FTO: variants seen among roughly 807,000 people sequenced by gnomAD.
FTO encodes the protein alpha-ketoglutarate-dependent dioxygenase FTO.
A neutral mutation model predicts 63.9 loss-of-function variants in FTO; 47 were observed. That is an observed-to-expected ratio of 0.74 (90% CI 0.58 to 0.94). FTO has a LOEUF of 0.94. FTO is among the 40% of genes least tolerant of loss of function. The probability of loss-of-function intolerance (pLI) is 0.00; values close to 1 mark genes in which losing one functional copy is unlikely to be tolerated. For synonymous variants in FTO, 207 were observed against 224.4 expected (o/e 0.92, Z 0.69); for missense variants, 562 against 618.1 (o/e 0.91, Z 0.96).
chr16:54,091,195 C>G (rs1285244225), intron 8 of FTO, among the ~76,000 whole-genome samples: 1 of 152,136 alleles, frequency 6.6e-6, no homozygotes, highest in Non-Finnish European at 1.5e-5. Context: ...CAAGTGAGAG[C>G]AAAATCCTCA....
At chr16:53,863,029 C>G (rs1219032508) in intron 4 of FTO, among the ~76,000 whole-genome samples, 2 of 152,166 alleles carry the variant, frequency 1.3e-5, no homozygotes, top group African/African-American at 4.8e-5. Flanking sequence ...GCTGTTCACT[C>G]CATCTATTGC....
chr16:53,704,065 AC>A (rs904526972), upstream of FTO: 1 of 1,073,450 alleles, frequency 9.3e-7, no homozygotes, highest in Non-Finnish European at 1.4e-6. Flanking sequence ...AGTTTTTTCT[AC>A]TCAGAGGGAG....
chr16:53,896,935 G>A (rs1296966246), intron 7 of FTO, among the ~76,000 whole-genome samples: 3 of 152,114 alleles, frequency 2.0e-5, no homozygotes, highest in Admixed American at 2.0e-4. Context: ...TGTCTCTATG[G>A]AGAAATGTAC....
At chr16:53,893,682 T>C (rs2081210172) in intron 7 of FTO, among the ~76,000 whole-genome samples, 1 of 151,804 alleles carries the variant, frequency 6.6e-6, no homozygotes, top group Non-Finnish European at 1.5e-5. Flanking sequence ...AAAAGGTCAA[T>C]TTGGTATAAT....
chr16:54,085,820 C>G (rs1490702457), intron 8 of FTO, among the ~76,000 whole-genome samples: 1 of 152,172 alleles, frequency 6.6e-6, no homozygotes, highest in East Asian at 1.9e-4. Context: ...TCACCGCACC[C>G]TCTCTCTGGC....
rs199728602 is a variant in FTO, at chr16:53,855,037, TA to T, written c.895+10740del. Among the ~76,000 whole-genome samples the T allele has an allele frequency of 8.0e-5, 12 of 150,826 alleles. 1 individual carries two copies. Among genetic ancestry groups the T allele is most frequent in the African/African-American group, 1.7e-4 (7 of 40,888 alleles). ...TTATTTCTAGGTACTTTATTATTAT[TA>T]TTTTTTTTAGCTATTATCAAAGGGA... On this transcript the variant is annotated intron_variant, in intron 4 of 8. Coordinates refer to ENST00000471389, the MANE Select transcript of FTO (RefSeq NM_001080432.3).
rs2086951562 is a variant in FTO at position 54,114,293 on chromosome 16, T to C, written c.*2378T>C. On this transcript the variant is annotated 3_prime_UTR_variant, in exon 9 of 9. Transcript: ENST00000471389. ...ACCTGACCTGCATCACCCTTTCATG[T>C]CAGTGCTCTCCAAACCTGCTTGCTT... 6.6e-6 allele frequency: 1 copy of C among 152,196 alleles called. No individual in the cohort carries two copies. Among genetic ancestry groups the C allele is most frequent in the Non-Finnish European group, 1.5e-5 (1 of 68,054 alleles). The allele number at this position is 152,196 out of a possible 1,614,324, so 9.4% of individuals were successfully genotyped here. A position where few individuals can be genotyped will look rare whatever the true frequency, so the allele number is the denominator to read the frequency against.
chr16:53,765,275 G>A (rs186840367), intron 1 of FTO, among the ~76,000 whole-genome samples: 163 of 152,128 alleles, frequency 1.1e-3, no homozygotes, highest in Admixed American at 2.1e-3. Context: ...AGTAAACAGT[G>A]GCTGGGCATG....
intron 1 of FTO, among the ~76,000 whole-genome samples, chr16:53,711,620 A>G (rs1177221005): frequency 6.6e-6 from 1 of 152,244 alleles, no homozygotes; most frequent in Non-Finnish European, 1.5e-5. Flanking sequence ...TTTCAGAAAC[A>G]TTAAAACTGT....
chr16:53,840,548 T>C (rs964495898), intron 3 of FTO, among the ~76,000 whole-genome samples: 2 of 152,220 alleles, frequency 1.3e-5, no homozygotes, highest in Non-Finnish European at 2.9e-5. Context: ...TTTGGCTTTG[T>C]GGGTTTTATA....
At chr16:54,110,554 C>T (rs2086860645) in intron 8 of FTO, among the ~76,000 whole-genome samples, 1 of 152,168 alleles carries the variant, frequency 6.6e-6, no homozygotes, top group Non-Finnish European at 1.5e-5. Flanking sequence ...AGTATGTTTT[C>T]CCCGGGGGGA....
At chr16:54,009,993 GTTGTAGTGACCT>G (rs150482558) in intron 8 of FTO, among the ~76,000 whole-genome samples, 1,941 of 152,294 alleles carry the variant, frequency 0.013, 36 homozygotes, top group African/African-American at 0.04. Flanking sequence ...ATTTTTGACT[GTTGTAGTGACCT>G]TTGTGCATAC....
At chr16:53,818,156 C>T (rs2078751674) in intron 2 of FTO, among the ~76,000 whole-genome samples, 1 of 138,522 alleles carries the variant, frequency 7.2e-6, no homozygotes, top group Admixed American at 7.9e-5. Flanking sequence ...CACTTCTTCT[C>T]CAAAGTTACT....
At chr16:54,053,268 T>C (rs1360321519) in intron 8 of FTO, among the ~76,000 whole-genome samples, 1 of 152,232 alleles carries the variant, frequency 6.6e-6, no homozygotes, top group Non-Finnish European at 1.5e-5. Flanking sequence ...AACTCACAGA[T>C]GGGCTAGCGC....
chr16:54,060,939 G>A (rs2085555109), intron 8 of FTO, among the ~76,000 whole-genome samples: 1 of 152,172 alleles, frequency 6.6e-6, no homozygotes, highest in Admixed American at 6.5e-5. Context: ...CCCTGGCCCT[G>A]CAATGATGAG....
At chr16:53,976,048 C>A (rs541664416) in intron 8 of FTO, among the ~76,000 whole-genome samples, 2 of 152,264 alleles carry the variant, frequency 1.3e-5, no homozygotes, top group Middle Eastern at 3.4e-3. Context: ...CTCTCCCACC[C>A]CAGTGTAGTG....
At chr16:54,077,430 T>C (rs531109909) in intron 8 of FTO, among the ~76,000 whole-genome samples, 1 of 152,254 alleles carries the variant, frequency 6.6e-6, no homozygotes, top group East Asian at 1.9e-4. Context: ...TTGGCTGTCG[T>C]TTGTAACACA....
chr16:54,032,008 C>T (rs1458726844), intron 8 of FTO, among the ~76,000 whole-genome samples: 2 of 152,104 alleles, frequency 1.3e-5, no homozygotes, highest in African/African-American at 4.8e-5. Flanking sequence ...GAAACTTAGA[C>T]CAATATATGG....
chr16:54,077,313 G>T (rs1241746353), intron 8 of FTO, among the ~76,000 whole-genome samples: 1 of 152,166 alleles, frequency 6.6e-6, no homozygotes, highest in South Asian at 2.1e-4. Flanking sequence ...ATGCCAAAGC[G>T]GCCTTTGGGG....
Sources: allele counts gnomAD v4.1 joint callset (sites outside exome capture counted in the v4.1 genomes callset), GRCh38; gene constraint gnomAD v4.1.1; transcripts MANE v1.5; gene names NCBI Gene and HGNC (gene_info 2026-07-23, HGNC 2026-07-21).